Variants in CABP1 observed in about 807,000 individuals in gnomAD.
CABP1 encodes calcium binding protein 1.
Under a neutral mutation model 34.3 loss-of-function variants are expected in CABP1, and 17 were observed. The ratio of observed to expected loss-of-function variants is 0.50; its 90% CI spans 0.34 to 0.74. CABP1 has a LOEUF of 0.74. Ranked by LOEUF, CABP1 falls within the 30% of genes least tolerant of loss-of-function variation. CABP1 has a pLI of 0.01. For missense variants in CABP1, 373 were observed against 511.1 expected, an observed-to-expected ratio of 0.73 and a Z score of 2.61; for synonymous variants, 198 against 229.2, an observed-to-expected ratio of 0.86 and a Z score of 1.23.
In CABP1 at chr12:120,666,643, G is replaced by A. The variant is rs569540522; in HGVS notation, c.1088-232G>A. ...AGATCAGGGAGGGCCATGAGGCTGT[G>A]TCAGGATATTGGAGATTTTTCCAGT... is the stretch of plus-strand genomic sequence containing the variant. On this transcript the variant is annotated intron_variant, in intron 5 of 5. Transcript: ENST00000316803. 2.0e-5 allele frequency among the ~76,000 whole-genome samples: 3 copies of A among 152,278 alleles called. No individual in the cohort carries two copies. In the South Asian group the frequency reaches 6.2e-4, roughly 32 times the overall value.
chr12:120,664,991 A>G (rs902267893), intron 5 of CABP1, among the ~76,000 whole-genome samples: 3 of 152,020 alleles, frequency 2.0e-5, no homozygotes, highest in Non-Finnish European at 2.9e-5. Flanking sequence ...AAAACACTGC[A>G]TACCCTATGA....
At chr12:120,655,178 AG>A (rs897895239) in intron 1 of CABP1, 1 of 153,068 alleles carries the variant, frequency 6.5e-6, no homozygotes. Flanking sequence ...CTGTAATCCC[AG>A]CACTTTGGGA....
chr12:120,679,563 C>T, the CABP1 span, among the ~76,000 whole-genome samples: 4 of 152,206 alleles, frequency 2.6e-5, no homozygotes, highest in African/African-American at 9.6e-5. Flanking sequence ...CGCAGTGGCT[C>T]ATGCCTGTAA....
At chr12:120,655,886 C>T in intron 1 of CABP1, 1 of 1,536,266 alleles carries the variant, frequency 6.5e-7, no homozygotes, top group Non-Finnish European at 8.7e-7. Flanking sequence ...ACATTCAGCT[C>T]TCCCCGGAAC....
the CABP1 span, among the ~76,000 whole-genome samples, chr12:120,680,616 G>A: frequency 6.6e-6 from 1 of 152,254 alleles, no homozygotes; most frequent in African/African-American, 2.4e-5. Flanking sequence ...AAATGGCCTG[G>A]GTCCAGGGCC....
At chr12:120,674,376 G>A in the CABP1 span, among the ~76,000 whole-genome samples, 1 of 152,218 alleles carries the variant, frequency 6.6e-6, no homozygotes, top group African/African-American at 2.4e-5. Flanking sequence ...GATAATCACA[G>A]CTTAAATCTG....
In CABP1 at chr12:120,661,842, A is replaced by T. The variant is rs574573764; in HGVS notation, c.1087+624A>T. 6.5e-6 allele frequency: 1 copy of T among 153,068 alleles called. No homozygotes were observed. The highest frequency in any genetic ancestry group is 2.1e-4 in the South Asian group (1 of 4,874). 9.5% of individuals were successfully genotyped at this position (153,068 alleles called of 1,614,324 possible). ...TCCATTCCTCCATCTCTAAGCAATC[A>T]TTCCTATAGCAATTTATCCATGCAT... On this transcript the variant is annotated intron_variant, in intron 5 of 5. Transcript: ENST00000316803. This position sits in a 1 kb window ranked among gnomAD's most constrained non-coding sequence, Gnocchi z 5.1.
the CABP1 span, among the ~76,000 whole-genome samples, chr12:120,677,465 TG>T: frequency 0.12 from 17,877 of 149,046 alleles, 1,199 homozygotes; most frequent in Non-Finnish European, 0.14. Context: ...GGTACGATCT[TG>T]GCTCACTGAA....
At chr12:120,658,643 G>T (rs930550666) in intron 1 of CABP1, among the ~76,000 whole-genome samples, 3 of 152,178 alleles carry the variant, frequency 2.0e-5, no homozygotes, top group African/African-American at 7.2e-5. Context: ...AGATTTTCTG[G>T]TGTTGTCGTC....
intron 1 of CABP1, among the ~76,000 whole-genome samples, chr12:120,647,661 G>A (rs150261434): frequency 0.013 from 1,872 of 143,458 alleles, 52 homozygotes; most frequent in African/African-American, 0.045. Context: ...TCCGCCTCCC[G>A]GGTTCAAGGG....
At chr12:120,652,538 G>A (rs1462121383) in intron 1 of CABP1, among the ~76,000 whole-genome samples, 1 of 152,186 alleles carries the variant, frequency 6.6e-6, no homozygotes, top group Non-Finnish European at 1.5e-5. Context: ...ACCCTGGTCT[G>A]TGTAAAATCA....
chr12:120,658,981 G>A (rs1459379343), intron 1 of CABP1: 2 of 152,272 alleles, frequency 1.3e-5, no homozygotes, highest in African/African-American at 4.8e-5. Context: ...CAGGGCAACT[G>A]GCAGCTCACC....
Position 120,640,768 on chromosome 12 carries a change from G to A in CABP1, c.83G>A (p.Arg28Gln), listed in dbSNP as rs1879275738. The change falls in exon 1 of 6, where the codon CGG becomes CAG. Residue 28 changes from arginine (R) to glutamine (Q), a missense_variant. By Grantham distance (43) the Arg-to-Gln change is conservative. Transcript: ENST00000316803. The surrounding 1 kb of genome is among the most constrained non-coding windows in gnomAD (Gnocchi z 6.2). ...LQRVLGLGSRREPRSLPAGGP... is the reference protein window; with the variant it reads ...LQRVLGLGSRQEPRSLPAGGP... Reference sequence around the variant, plus strand: ...CGCGTCCTCGGGCTTGGCTCCCGCCGGGAGCCCCGTTCTCTGCCCGCCGGG... The same window carrying A: ...CGCGTCCTCGGGCTTGGCTCCCGCCAGGAGCCCCGTTCTCTGCCCGCCGGG... 2 of 1,156,040 alleles carry A rather than the reference G, an allele frequency of 1.7e-6. No individual in the cohort carries two copies. The highest frequency in any genetic ancestry group is 1.1e-6 in the Non-Finnish European group (1 of 939,926). The allele number at this position is 1,156,040 out of a possible 1,614,324, so 71.6% of individuals were successfully genotyped here. A position where few individuals can be genotyped will look rare whatever the true frequency, so the allele number is the denominator to read the frequency against.
At position 120,640,853 on chromosome 12, in the gene CABP1, C is replaced by T. The variant is rs958946893; in HGVS notation, c.168C>T (p.Ala56=). The change falls in exon 1 of 6, where the codon GCC becomes GCT. Residue 56 remains alanine, a synonymous_variant. Transcript: ENST00000316803. This position sits in a 1 kb window ranked among gnomAD's most constrained non-coding sequence, Gnocchi z 6.2. ...PPPGHASAGP[A]AMSSHIAKSE... The stretch of plus-strand genomic sequence containing the variant: ...CGGGCCATGCGAGCGCGGGCCCCGC[C>T]GCGATGAGCTCGCACATCGCCAAAA... 3 of 1,073,904 alleles carry T rather than the reference C, an allele frequency of 2.8e-6. No homozygotes were observed. In the African/African-American group the frequency reaches 5.1e-5, roughly 18 times the overall value. 66.5% of individuals were successfully genotyped at this position (1,073,904 alleles called of 1,614,324 possible).
intron 1 of CABP1, among the ~76,000 whole-genome samples, chr12:120,646,928 T>G (rs1879564877): frequency 6.6e-6 from 1 of 152,232 alleles, no homozygotes; most frequent in South Asian, 2.1e-4. Context: ...CCTGGATCCC[T>G]TGCTATCCTC....
rs967044969 is a variant in CABP1, at chr12:120,653,432, C to G, written c.655-6446C>G. The stretch of plus-strand genomic sequence containing the variant: ...GTGAAATGACCTGCCCAAGGTCACA[C>G]AGCAAGCAAGTGGCAGAGCCAGAAT... On this transcript the variant is annotated intron_variant, in intron 1 of 5. Transcript: ENST00000316803. Among the ~76,000 whole-genome samples the G allele has an allele frequency of 2.0e-5, 3 of 152,230 alleles. No individual in the cohort carries two copies. In the South Asian group the frequency reaches 6.2e-4, roughly 31 times the overall value.
the CABP1 span, among the ~76,000 whole-genome samples, chr12:120,679,718 T>C: frequency 2.0e-5 from 3 of 151,930 alleles, no homozygotes; most frequent in East Asian, 5.8e-4. Flanking sequence ...TCCCAGCTAC[T>C]AGGGACGCTG....
Position 120,655,817 on chromosome 12 carries a change from CAGTG to C in CABP1, c.655-4060_655-4057del. The C allele has an allele frequency of 3.4e-6, 5 of 1,485,086 alleles. No homozygotes were observed. The South Asian group carries it at 3.7e-5, about 11-fold the overall frequency. The allele number at this position is 1,485,086 out of a possible 1,614,324, so 92.0% of individuals were successfully genotyped here. A position where few individuals can be genotyped will look rare whatever the true frequency, so the allele number is the denominator to read the frequency against. ...TGTGATTCTGTGCATATGTATGTGC[CAGTG>C]CGTGCGTGCGTGTGTGTGTGTGTGT... On this transcript the variant is annotated intron_variant, in intron 1 of 5. Transcript: ENST00000316803.
At chr12:120,669,571 T>TGGTGAAACCCCGTC (rs1881179288), downstream of CABP1, among the ~76,000 whole-genome samples, 1 of 152,146 alleles carries the variant, frequency 6.6e-6, no homozygotes, top group Non-Finnish European at 1.5e-5. Context: ...CTGGCCAACA[T>TGGTGAAACCCCGTC]GGTGAAACCC....
Sources: gnomAD v4.1 joint callset for allele counts (sites outside exome capture counted in the v4.1 genomes callset) on GRCh38, gnomAD v4.1.1 for gene constraint, Gnocchi (gnomAD v3.1) non-coding constraint, MANE v1.5 for transcripts, NCBI Gene and HGNC (gene_info 2026-07-23, HGNC 2026-07-21) for gene names.